Variants in L3HYPDH observed in about 807,000 individuals in gnomAD.
L3HYPDH encodes the protein trans-3-hydroxy-L-proline dehydratase.
A neutral mutation model predicts 26.5 loss-of-function variants in L3HYPDH; 32 were observed. The ratio of observed to expected loss-of-function variants is 1.21; its 90% confidence interval spans 0.91 to 1.62. The LOEUF (loss-of-function observed/expected upper bound fraction) is 1.62. Ranked by LOEUF, L3HYPDH falls within the 40% of genes most tolerant of loss-of-function variation. L3HYPDH has a pLI of 0.00. For synonymous variants in L3HYPDH, 215 were observed against 196.6 expected, an observed-to-expected ratio of 1.09 and a Z score of -0.78; for missense variants, 554 against 476.4, an observed-to-expected ratio of 1.16 and a Z score of -1.52.
At chr14:59,484,444 TA>T, upstream of L3HYPDH, 1 of 1,379,864 alleles carries the variant, frequency 7.2e-7, no homozygotes, top group Non-Finnish European at 9.9e-7. Context: ...TCTCGGAGCC[TA>T]AACCCGGAAG....
chr14:59,483,812 T>G lies in L3HYPDH; in HGVS notation c.505A>C (p.Thr169Pro). 1 of 1,593,430 alleles carries G rather than the reference T, an allele frequency of 6.3e-7. No individual in the cohort carries two copies. The highest frequency in any genetic ancestry group is 8.5e-7 in the Non-Finnish European group (1 of 1,177,220). ...FHSVPAFVLA[T>P]DLMVDVPGHG... is the part of the protein sequence containing the mutation. ...CTGGAAAGGTCCCGCCCATTACCTGTGGCCAGCACGAAGGCCGGGACGCTG... is the reference window on the plus strand; with the variant it reads ...CTGGAAAGGTCCCGCCCATTACCTGGGGCCAGCACGAAGGCCGGGACGCTG... Residue 169 changes from threonine (T) to proline (P), a missense_variant, in exon 1 of 5, where the codon ACA becomes CCA. Physicochemically the swap from Thr to Pro is conservative, Grantham distance 38. Transcript: ENST00000247194.
the L3HYPDH span, among the ~76,000 whole-genome samples, chr14:59,494,157 G>T: frequency 3.3e-5 from 5 of 151,416 alleles, no homozygotes; most frequent in African/African-American, 9.7e-5. Context: ...ACACATCTCA[G>T]GGTGTGGAAG....
At position 59,474,340 on chromosome 14, in the gene L3HYPDH, A is replaced by G. The variant is rs999555239; in HGVS notation, c.940-1250T>C. 30 of 549,138 alleles carry G rather than the reference A, an allele frequency of 5.5e-5. No homozygotes were observed. In the African/African-American group the frequency reaches 5.6e-4, roughly 10 times the overall value. The allele number at this position is 549,138 out of a possible 1,614,324, so 34.0% of individuals were successfully genotyped here. ...AGAGCCAGAAAATTAGCTTAAAAGC[A>G]GCTTAGAGTCAGGAGGCAGGATGGG... On this transcript the variant is annotated intron_variant, in intron 4 of 4. Transcript: ENST00000247194.
chr14:59,484,239 G>A lies in L3HYPDH; in HGVS notation c.78C>T (p.His26=), dbSNP rs368765477. ...GTPVLSVVDM[H]TGGEPLRIVL... Reference sequence around the variant, plus strand: ...CGATACGCAAGGGCTCGCCGCCCGTGTGCATGTCCACCACCGACAGCACCG... The same window carrying A: ...CGATACGCAAGGGCTCGCCGCCCGTATGCATGTCCACCACCGACAGCACCG... The change falls in exon 1 of 5, where the codon CAC becomes CAT. Residue 26 remains histidine, a synonymous_variant. Coordinates refer to ENST00000247194, the MANE Select transcript of L3HYPDH (RefSeq NM_144581.2). 2 of 1,598,156 alleles carry A rather than the reference G, an allele frequency of 1.3e-6. No individual in the cohort carries two copies. The highest frequency in any genetic ancestry group is 1.7e-6 in the Non-Finnish European group (2 of 1,179,704).
upstream of L3HYPDH, chr14:59,484,438 G>A: frequency 7.3e-7 from 1 of 1,371,422 alleles, no homozygotes; most frequent in Non-Finnish European, 1.0e-6. Context: ...GCGGGGTCTC[G>A]GAGCCTAAAC....
At chr14:59,480,509 G>C (rs954610760) in intron 1 of L3HYPDH, among the ~76,000 whole-genome samples, 2 of 152,244 alleles carry the variant, frequency 1.3e-5, no homozygotes, top group Non-Finnish European at 2.9e-5. Context: ...CAGGAAAGGG[G>C]ACAACACATG....
At position 59,472,974 on chromosome 14, in the gene L3HYPDH, A is replaced by G; in HGVS notation, c.1056T>C (p.Leu352=). ...EDDDPLRDGF[L]LK is the part of the protein sequence containing the mutation. ...AAAATCATGGAAGAAGTCACTTGAG[A>G]AGAAATCCATCCCTCAATGGGTCGT... The change falls in exon 5 of 5, where the codon CTT becomes CTC. Residue 352 remains leucine (L), a synonymous_variant. Coordinates refer to ENST00000247194, the MANE Select transcript of L3HYPDH (RefSeq NM_144581.2). 6.3e-7 allele frequency: 1 copy of G among 1,597,580 alleles called. No individual in the cohort carries two copies. The highest frequency in any genetic ancestry group is 8.5e-7 in the Non-Finnish European group (1 of 1,175,000).
At chr14:59,482,380 T>C (rs866138622) in intron 1 of L3HYPDH, among the ~76,000 whole-genome samples, 1 of 152,188 alleles carries the variant, frequency 6.6e-6, no homozygotes, top group South Asian at 2.1e-4. Flanking sequence ...TCTCAGGAAC[T>C]ACTGAGAGGA....
At chr14:59,492,635 A>G in the L3HYPDH span, among the ~76,000 whole-genome samples, 1 of 152,338 alleles carries the variant, frequency 6.6e-6, no homozygotes, top group Non-Finnish European at 1.5e-5. Context: ...TTGCCTAGCA[A>G]TATAGTTGAC....
At chr14:59,474,282 A>C (rs533236443) in intron 4 of L3HYPDH, among the ~76,000 whole-genome samples, 2 of 152,286 alleles carry the variant, frequency 1.3e-5, no homozygotes, top group South Asian at 4.1e-4. Flanking sequence ...CATACCAAGG[A>C]AAACAGTCCT....
At chr14:59,469,054 T>A (rs1435173434), downstream of L3HYPDH, among the ~76,000 whole-genome samples, 1 of 152,110 alleles carries the variant, frequency 6.6e-6, no homozygotes, top group Admixed American at 6.5e-5. Context: ...GTCAGAGCAG[T>A]CCTGTGGGTA....
chr14:59,485,908 AC>A (rs1478881573), upstream of L3HYPDH: 1 of 152,036 alleles, frequency 6.6e-6, no homozygotes, highest in African/African-American at 2.4e-5. Flanking sequence ...GAGCCACCTC[AC>A]CGAGCCTGTT....
At position 59,484,136 on chromosome 14, in the gene L3HYPDH, C is replaced by G. The variant is rs569954455; in HGVS notation, c.181G>C (p.Val61Leu). 1.2e-6 allele frequency: 2 copies of G among 1,602,236 alleles called. No individual in the cohort carries two copies. The highest frequency in any genetic ancestry group is 1.3e-5 in the African/African-American group (1 of 75,024). ...GGCTCGAACATGAGCCGTCGCCGCA[C>G]GTGGTCAAGGTGCTGGCGCATGTAG... Reference protein sequence around the residue: ...RRYMRQHLDHVRRRLMFEPRG... With the variant: ...RRYMRQHLDHLRRRLMFEPRG... The change falls in exon 1 of 5, where the codon GTG (valine) becomes CTG (leucine). Residue 61 changes from valine (V) to leucine (L), a missense_variant. Physicochemically the swap from Val to Leu is conservative, Grantham distance 32 (BLOSUM62 1). Transcript: ENST00000247194.
At chr14:59,484,649 A>G (rs1341757707), upstream of L3HYPDH, 24 of 1,559,708 alleles carry the variant, frequency 1.5e-5, no homozygotes, top group Non-Finnish European at 1.9e-5. Context: ...CTACTTTCCT[A>G]CACGGCTGGC....
chr14:59,475,899 A>G lies in L3HYPDH; in HGVS notation c.909T>C (p.Thr303=). Residue 303 remains threonine, a synonymous_variant, in exon 4 of 5, where the codon ACT becomes ACC. Transcript: ENST00000247194. ...CAGCTTTCCCTGTGAATACTGAGCC[A>G]GTTGCACTGCTTTTGAAGGCTCTCA... ...NQMRAFKSSA[T]GSVFTGKAVR... 6.2e-7 allele frequency: 1 copy of G among 1,613,554 alleles called. No homozygotes were observed.
At chr14:59,499,178 C>T in the L3HYPDH span, among the ~76,000 whole-genome samples, 4 of 151,616 alleles carry the variant, frequency 2.6e-5, no homozygotes, top group Non-Finnish European at 5.9e-5. Flanking sequence ...CATGTGCCAC[C>T]ACACCCAGCT....
upstream of L3HYPDH, chr14:59,484,643 T>C (rs563462920): frequency 6.4e-7 from 1 of 1,565,656 alleles, no homozygotes; most frequent in Non-Finnish European, 8.7e-7. Context: ...TCCCGACTAC[T>C]TTCCTACACG....
At chr14:59,471,173 A>T (rs1191903960), downstream of L3HYPDH, among the ~76,000 whole-genome samples, 1 of 152,200 alleles carries the variant, frequency 6.6e-6, no homozygotes, top group African/African-American at 2.4e-5. Flanking sequence ...TACAGCAGGA[A>T]TGAACACTAT....
At chr14:59,497,226 A>C in the L3HYPDH span, among the ~76,000 whole-genome samples, 1 of 152,166 alleles carries the variant, frequency 6.6e-6, no homozygotes, top group Non-Finnish European at 1.5e-5. Context: ...AACTTACTGC[A>C]AAAAAATAAC....
Sources: gnomAD v4.1 joint callset for allele counts (sites outside exome capture counted in the v4.1 genomes callset) on GRCh38, gnomAD v4.1.1 for gene constraint, MANE v1.5 for transcripts, NCBI Gene and HGNC (gene_info 2026-07-23, HGNC 2026-07-21) for gene names.